KIAA0825: variants seen among roughly 807,000 people sequenced by gnomAD.
KIAA0825 encodes uncharacterized protein KIAA0825.
A neutral mutation model predicts 147.6 loss-of-function variants in KIAA0825; 119 were observed. That is an observed-to-expected ratio of 0.81 (90% CI 0.69 to 0.94). The LOEUF is 0.94. Among genes scored for constraint, KIAA0825 ranks in the 40% least tolerant of loss-of-function variants. KIAA0825 has a pLI of 0.00. For missense variants in KIAA0825, 1,381 were observed against 1,472.7 expected (o/e 0.94, Z 1.02); for synonymous variants, 470 against 518.1 (o/e 0.91, Z 1.26).
intron 3 of KIAA0825, among the ~76,000 whole-genome samples, chr5:94,534,406 A>C (rs1771548482): frequency 6.6e-6 from 1 of 152,216 alleles, no homozygotes; most frequent in African/African-American, 2.4e-5. Flanking sequence ...AGTATAATAA[A>C]AACATAATTG....
chr5:94,552,356 T>A (rs1477086013), intron 2 of KIAA0825, among the ~76,000 whole-genome samples: 1 of 152,092 alleles, frequency 6.6e-6, no homozygotes, highest in Non-Finnish European at 1.5e-5. Flanking sequence ...ACTGGAAAGA[T>A]CATCTAGACA....
In KIAA0825 at chr5:94,524,085, T is replaced by G; in HGVS notation, c.145A>C (p.Ile49Leu). 1 of 1,606,384 alleles carries G rather than the reference T, an allele frequency of 6.2e-7. No homozygotes were observed. Among genetic ancestry groups the G allele is most frequent in the Non-Finnish European group, 8.5e-7 (1 of 1,175,594 alleles). ...TTAATTTCGGACTGTATCTCTTTAA[T>G]GCAATGTTTTATGCTATAAAAAACA... ...EQNAASIKHC[I>L]KEIQSEINKQ... is the part of the protein sequence containing the mutation. The change falls in exon 4 of 21, where the codon ATT becomes CTT. Residue 49 changes from isoleucine (I) to leucine (L), a missense_variant. Transcript: ENST00000682413.
chr5:94,479,343 T>C (rs1762238845), intron 6 of KIAA0825, among the ~76,000 whole-genome samples: 1 of 152,146 alleles, frequency 6.6e-6, no homozygotes, highest in South Asian at 2.1e-4. Context: ...GTTGGAATCA[T>C]ATAGTATGTA....
chr5:94,284,783 G>A (rs550893474), intron 20 of KIAA0825, among the ~76,000 whole-genome samples: 6 of 151,908 alleles, frequency 3.9e-5, no homozygotes, highest in Non-Finnish European at 8.8e-5. Context: ...GTTACCCTCT[G>A]TGCAGCATCC....
chr5:94,307,615 C>T (rs916476724), intron 20 of KIAA0825, among the ~76,000 whole-genome samples: 11 of 151,264 alleles, frequency 7.3e-5, no homozygotes, highest in Admixed American at 4.0e-4. Flanking sequence ...GCATCTTTTG[C>T]TCTACACTAA....
At chr5:94,600,564 A>G (rs373121299) in intron 1 of KIAA0825, among the ~76,000 whole-genome samples, 2 of 152,116 alleles carry the variant, frequency 1.3e-5, no homozygotes, top group East Asian at 3.8e-4. Flanking sequence ...TTTCTCCAAT[A>G]TATATTTAGT....
At chr5:94,477,365 A>G (rs1762012115) in intron 6 of KIAA0825, among the ~76,000 whole-genome samples, 160 bp from the exon 7 acceptor site, 1 of 151,804 alleles carries the variant, frequency 6.6e-6, no homozygotes, top group Non-Finnish European at 1.5e-5. Context: ...TATAGAGAAT[A>G]TAGTCAAAAA....
chr5:94,598,508 T>G (rs1304626449), intron 1 of KIAA0825, among the ~76,000 whole-genome samples: 1 of 152,174 alleles, frequency 6.6e-6, no homozygotes, highest in Non-Finnish European at 1.5e-5. Flanking sequence ...AGCTGTTAAC[T>G]GTTTTACAGT....
At chr5:94,461,109 A>C (rs915943015) in intron 12 of KIAA0825, among the ~76,000 whole-genome samples, 6 of 151,994 alleles carry the variant, frequency 3.9e-5, no homozygotes, top group African/African-American at 1.4e-4. Flanking sequence ...AAATGTATCA[A>C]AAAGCCATAG....
chr5:94,428,609 A>G (rs1204053151), intron 14 of KIAA0825, among the ~76,000 whole-genome samples: 1 of 152,162 alleles, frequency 6.6e-6, no homozygotes, highest in Non-Finnish European at 1.5e-5. Flanking sequence ...TTCTGCTGAG[A>G]AGTCTGCTGT....
At chr5:94,192,096 C>T (rs557250850) in intron 20 of KIAA0825, among the ~76,000 whole-genome samples, 2 of 152,360 alleles carry the variant, frequency 1.3e-5, no homozygotes, top group Admixed American at 6.5e-5. Context: ...CTATGCAACT[C>T]TTCTTTCTTA....
intron 20 of KIAA0825, among the ~76,000 whole-genome samples, chr5:94,354,121 G>A (rs1313261607): frequency 6.6e-6 from 1 of 152,096 alleles, no homozygotes; most frequent in Non-Finnish European, 1.5e-5. Context: ...TAGTTATTGA[G>A]GGCTTTCTCC....
At chr5:94,290,275 C>A (rs1404362469) in intron 20 of KIAA0825, among the ~76,000 whole-genome samples, 1 of 152,100 alleles carries the variant, frequency 6.6e-6, no homozygotes, top group Non-Finnish European at 1.5e-5. Context: ...CTAATGCTAT[C>A]CCTCCCCTAG....
intron 15 of KIAA0825, among the ~76,000 whole-genome samples, chr5:94,407,855 C>T (rs1282776492): frequency 2.6e-5 from 4 of 152,116 alleles, no homozygotes; most frequent in Non-Finnish European, 5.9e-5. Context: ...TATCTCAGTA[C>T]ATTTGTTATA....
chr5:94,464,111 C>T (rs1424978083), intron 11 of KIAA0825, among the ~76,000 whole-genome samples: 1 of 150,122 alleles, frequency 6.7e-6, no homozygotes, highest in Non-Finnish European at 1.5e-5. Flanking sequence ...CTGTAGGTTC[C>T]TCCTAAAATA....
chr5:94,529,667 C>T (rs1290248402), intron 3 of KIAA0825, among the ~76,000 whole-genome samples: 2 of 151,966 alleles, frequency 1.3e-5, no homozygotes, highest in Non-Finnish European at 2.9e-5. Flanking sequence ...AGAAAGTTTT[C>T]CTCTTCACTG....
chr5:94,222,913 A>G (rs957259116), intron 20 of KIAA0825, among the ~76,000 whole-genome samples: 3 of 152,192 alleles, frequency 2.0e-5, no homozygotes, highest in Admixed American at 6.6e-5. Flanking sequence ...GCAAATTAAC[A>G]TATCCATCAA....
intron 1 of KIAA0825, chr5:94,593,530 T>C: frequency 1.6e-6 from 1 of 606,532 alleles, no homozygotes; most frequent in South Asian, 1.9e-5. Context: ...CTTTGTAAAG[T>C]TTTTTGTAGC....
At chr5:94,610,786 A>AAAAT (rs1788592200) in intron 1 of KIAA0825, among the ~76,000 whole-genome samples, 2 of 113,650 alleles carry the variant, frequency 1.8e-5, no homozygotes, top group African/African-American at 4.0e-5. Flanking sequence ...AAAAAAAAAA[A>AAAAT]GTATATATAT....
Sources: gnomAD v4.1 joint callset for allele counts (sites outside exome capture counted in the v4.1 genomes callset) on GRCh38, gnomAD v4.1.1 for gene constraint, MANE v1.5 for transcripts, NCBI Gene and HGNC (gene_info 2026-07-23, HGNC 2026-07-21) for gene names.